EPM2A: variants seen among roughly 807,000 people sequenced by gnomAD.
The protein encoded by EPM2A is laforin.
A neutral mutation model predicts 26.5 loss-of-function variants in EPM2A; 21 were observed. That is an observed-to-expected ratio of 0.79 (90% CI 0.56 to 1.14). EPM2A has a LOEUF of 1.14. Ranked by LOEUF, EPM2A falls within the 50% of genes most tolerant of loss-of-function variation. EPM2A has a pLI of 0.00. For synonymous variants in EPM2A, 217 were observed against 177.6 expected (o/e 1.22, Z -1.76); for missense variants, 458 against 440.8 (o/e 1.04, Z -0.35).
At position 145,598,920 on chromosome 6, in the gene EPM2A, G is replaced by C. The variant is rs117670400; in HGVS notation, c.340+36325C>G. Among the ~76,000 whole-genome samples the C allele has an allele frequency of 5.8e-4, 88 of 152,244 alleles. 3 individuals carry two copies. In the East Asian group the frequency reaches 0.014, roughly 23 times the overall value. ...TGCTGAAGATCAGAAAGTTGTAGGT[G>C]TGCAGCCTTACTTCTGGGATCTCTA... On this transcript the variant is annotated intron_variant, in intron 2 of 3. Coordinates refer to the EPM2A transcript ENST00000450221.
intron 2 of EPM2A, among the ~76,000 whole-genome samples, chr6:145,515,283 A>G (rs1014264498): frequency 6.6e-6 from 1 of 152,192 alleles, no homozygotes; most frequent in African/African-American, 2.4e-5. Context: ...TCAATTTTCT[A>G]GAACTGAAAT....
At chr6:145,390,518 G>C (rs1299326863) in intron 4 of EPM2A, among the ~76,000 whole-genome samples, 1 of 151,216 alleles carries the variant, frequency 6.6e-6, no homozygotes, top group African/African-American at 2.4e-5. Context: ...TAAACAAAAG[G>C]TTCATTCTCT....
chr6:145,704,903 C>T (rs965099989), intron 1 of EPM2A, among the ~76,000 whole-genome samples: 1 of 151,964 alleles, frequency 6.6e-6, no homozygotes, highest in African/African-American at 2.4e-5. Flanking sequence ...TGCTTTTTTC[C>T]TCAAATGTCT....
intron 1 of EPM2A, among the ~76,000 whole-genome samples, chr6:145,697,433 CG>C (rs1583074576): frequency 2.0e-5 from 3 of 152,092 alleles, no homozygotes; most frequent in African/African-American, 7.2e-5. Flanking sequence ...AATGAAGTTT[CG>C]GGCACACATT....
intron 4 of EPM2A, among the ~76,000 whole-genome samples, chr6:145,420,524 A>G (rs2114682952): frequency 6.6e-6 from 1 of 152,300 alleles, no homozygotes; most frequent in Admixed American, 6.5e-5. Context: ...AAATGAGGTC[A>G]TTGAAATTTA....
At chr6:145,705,681 A>G (rs1041049192) in intron 1 of EPM2A, 1 of 409,234 alleles carries the variant, frequency 2.4e-6, no homozygotes, top group Non-Finnish European at 4.9e-6. Flanking sequence ...GGCAATCCCT[A>G]TTTGAAATAG....
rs145945688 is a variant in EPM2A, at chr6:145,711,836, C to T, written c.301+23362G>A. ...AAAAATTTCCAGTGGGAAACATCAG[C>T]GGGTCCTCAAAAAGTTCACAGAAAA... On this transcript the variant is annotated intron_variant, in intron 1 of 3. Transcript: ENST00000367519. Among the ~76,000 whole-genome samples, 541 of 152,154 alleles carry T rather than the reference C, an allele frequency of 3.6e-3. 2 individuals carry two copies. Among genetic ancestry groups the T allele is most frequent in the Middle Eastern group, 6.8e-3 (2 of 294 alleles).
At chr6:145,471,469 G>GA (rs1779472214) in intron 4 of EPM2A, among the ~76,000 whole-genome samples, 1 of 152,024 alleles carries the variant, frequency 6.6e-6, no homozygotes, top group Non-Finnish European at 1.5e-5. Context: ...AGCATGCATA[G>GA]AACCTGGCTT....
chr6:145,429,440 C>T (rs1050813996), intron 4 of EPM2A, among the ~76,000 whole-genome samples: 12 of 151,988 alleles, frequency 7.9e-5, no homozygotes, highest in African/African-American at 2.9e-4. Context: ...GGTGATTAAT[C>T]TATATTTCTC....
intron 2 of EPM2A, among the ~76,000 whole-genome samples, chr6:145,534,374 G>T (rs1780402819): frequency 6.6e-6 from 1 of 152,168 alleles, no homozygotes; most frequent in Non-Finnish European, 1.5e-5. Context: ...AGACAATTCA[G>T]AAAGTTTTAT....
intron 2 of EPM2A, among the ~76,000 whole-genome samples, chr6:145,578,234 T>C (rs572944780): frequency 1.3e-5 from 2 of 152,016 alleles, no homozygotes; most frequent in South Asian, 2.1e-4. Context: ...TAAATAAATA[T>C]AAAAGTTTAA....
intron 4 of EPM2A, among the ~76,000 whole-genome samples, chr6:145,388,031 C>A (rs962863760): frequency 1.3e-5 from 2 of 152,080 alleles, no homozygotes; most frequent in African/African-American, 4.8e-5. Context: ...CTTATCCAAC[C>A]GTGATCATAA....
intron 2 of EPM2A, among the ~76,000 whole-genome samples, chr6:145,558,290 A>T (rs1219103091): frequency 6.6e-6 from 1 of 152,056 alleles, no homozygotes; most frequent in Non-Finnish European, 1.5e-5. Context: ...CTGTGAGTCC[A>T]TTAAACTTCT....
intron 4 of EPM2A, among the ~76,000 whole-genome samples, chr6:145,399,206 C>G (rs976821662): frequency 6.6e-6 from 1 of 152,112 alleles, no homozygotes; most frequent in Non-Finnish European, 1.5e-5. Flanking sequence ...AATTTAGTCT[C>G]ATTGGCACTT....
At chr6:145,456,708 A>G (rs1295582551) in intron 4 of EPM2A, among the ~76,000 whole-genome samples, 1 of 152,194 alleles carries the variant, frequency 6.6e-6, no homozygotes, top group Admixed American at 6.5e-5. Context: ...AATTGCAGGA[A>G]TTTGGTTTTA....
intron 2 of EPM2A, among the ~76,000 whole-genome samples, chr6:145,524,464 C>T (rs1048540055): frequency 9.9e-5 from 15 of 152,050 alleles, no homozygotes; most frequent in Non-Finnish European, 1.5e-5. Flanking sequence ...TTTATGACAG[C>T]CATTCTGATT....
chr6:145,686,381 G>T, intron 1 of EPM2A, 85 bp from the exon 2 acceptor site: 1 of 1,074,330 alleles, frequency 9.3e-7, no homozygotes, highest in Non-Finnish European at 1.4e-6. Context: ...AAAATTAATA[G>T]CAAGAAAAAA....
chr6:145,576,676 G>A (rs1047635149), intron 2 of EPM2A, among the ~76,000 whole-genome samples: 1 of 152,122 alleles, frequency 6.6e-6, no homozygotes, highest in African/African-American at 2.4e-5. Context: ...AAGGATACTA[G>A]TGTGCAACAA....
Position 145,697,740 on chromosome 6 carries a change from C to T in EPM2A, c.302-11444G>A, listed in dbSNP as rs1030033791. On this transcript the variant is annotated intron_variant, in intron 1 of 3. Coordinates refer to ENST00000367519, the MANE Select transcript of EPM2A (RefSeq NM_005670.4). ...AAAGAAGAGAAATATGGCTCTGTTC[C>T]GCCCAGCTCACTGGCGGTCAGAGTT... is the stretch of plus-strand genomic sequence containing the variant. Among the ~76,000 whole-genome samples, 14 of 152,246 alleles carry T rather than the reference C, an allele frequency of 9.2e-5. No homozygotes were observed. The East Asian group carries it at 1.4e-3, about 15-fold the overall frequency.
Sources: gnomAD v4.1 joint callset for allele counts (sites outside exome capture counted in the v4.1 genomes callset) on GRCh38, gnomAD v4.1.1 for gene constraint, MANE v1.5 for transcripts, NCBI Gene and HGNC (gene_info 2026-07-23, HGNC 2026-07-21) for gene names.